PTPRD: variants seen among roughly 807,000 people sequenced by gnomAD.
The protein encoded by PTPRD is receptor-type tyrosine-protein phosphatase delta.
A neutral mutation model predicts 214.5 loss-of-function variants in PTPRD; 34 were observed. The ratio of observed to expected loss-of-function variants is 0.16; its 90% confidence interval spans 0.12 to 0.21. The LOEUF (loss-of-function observed/expected upper bound fraction) is 0.21, where lower values mean the gene tolerates loss of function less well. Among genes scored for constraint, PTPRD ranks in the 10% least tolerant of loss-of-function variants. The pLI is 1.00. For synonymous variants in PTPRD, 1,128 were observed against 845.7 expected, an observed-to-expected ratio of 1.33 and a Z score of -5.79; for missense variants, 2,545 against 2,398.7, an observed-to-expected ratio of 1.06 and a Z score of -1.27.
intron 9 of PTPRD, among the ~76,000 whole-genome samples, chr9:9,282,012 C>G (rs1228813442): frequency 6.6e-6 from 1 of 151,226 alleles, no homozygotes; most frequent in Non-Finnish European, 1.5e-5. Flanking sequence ...ATCTGAAAAG[C>G]TACATCCTGA....
At chr9:9,985,735 TAA>T (rs1466077398) in intron 4 of PTPRD, among the ~76,000 whole-genome samples, 3 of 152,062 alleles carry the variant, frequency 2.0e-5, no homozygotes, top group Admixed American at 2.0e-4. Context: ...GAAAAATTGA[TAA>T]GATATTATCA....
chr9:9,894,668 T>G (rs2074438820), intron 5 of PTPRD, among the ~76,000 whole-genome samples: 1 of 152,090 alleles, frequency 6.6e-6, no homozygotes, highest in South Asian at 2.1e-4. Context: ...TTCATAACAG[T>G]TACCATTTCA....
Position 8,518,533 on chromosome 9 carries a change from A to G in PTPRD, c.962-104T>C, listed in dbSNP as rs2097827491. The stretch of plus-strand genomic sequence containing the variant: ...AAATGACAGGATTATGTATCTACTG[A>G]AGATTTAATTAAATGAAATTATAGC... On this transcript the variant is annotated intron_variant, in intron 20 of 45. Coordinates refer to ENST00000381196, the MANE Select transcript of PTPRD (RefSeq NM_002839.4). The G allele has an allele frequency of 1.4e-5, 11 of 812,216 alleles. No homozygotes were observed. In the South Asian group the frequency reaches 2.4e-4, roughly 18 times the overall value. The allele number at this position is 812,216 out of a possible 1,614,324, so 50.3% of individuals were successfully genotyped here.
intron 3 of PTPRD, among the ~76,000 whole-genome samples, chr9:10,240,847 G>C (rs1295319959): frequency 1.3e-5 from 2 of 151,656 alleles, no homozygotes; most frequent in African/African-American, 4.8e-5. Flanking sequence ...AATTAAATTA[G>C]AATCCATCAA....
At chr9:8,878,159 T>C (rs1328862140) in intron 11 of PTPRD, among the ~76,000 whole-genome samples, 1 of 152,244 alleles carries the variant, frequency 6.6e-6, no homozygotes, top group Non-Finnish European at 1.5e-5. Flanking sequence ...GGAAGTCATT[T>C]GAAGGAACTG....
In PTPRD at chr9:9,161,217, T is replaced by A. The variant is rs1029609960; in HGVS notation, c.-143+22087A>T. Among the ~76,000 whole-genome samples, 4 of 152,210 alleles carry A rather than the reference T, an allele frequency of 2.6e-5. No homozygotes were observed. In the East Asian group the frequency reaches 7.7e-4, roughly 29 times the overall value. On this transcript the variant is annotated intron_variant, in intron 10 of 45. Coordinates refer to ENST00000381196, the MANE Select transcript of PTPRD (RefSeq NM_002839.4). ...ATGTCTCACCACAAAGAATGATAAG[T>A]GGAGGTGATAGGTATGTTAATTAGC... is the stretch of plus-strand genomic sequence containing the variant.
At chr9:10,582,778 A>G (rs1189437279) in intron 2 of PTPRD, among the ~76,000 whole-genome samples, 1 of 152,206 alleles carries the variant, frequency 6.6e-6, no homozygotes, top group Non-Finnish European at 1.5e-5. Flanking sequence ...TACACACACC[A>G]TTGAGATAAA....
intron 14 of PTPRD, among the ~76,000 whole-genome samples, chr9:8,582,781 G>C (rs534627361): frequency 1.3e-5 from 2 of 152,176 alleles, no homozygotes; most frequent in Non-Finnish European, 2.9e-5. Flanking sequence ...AGTTATGCTG[G>C]TAGAAATATA....
At chr9:10,403,205 C>T in intron 2 of PTPRD, among the ~76,000 whole-genome samples, 1 of 72,628 alleles carries the variant, frequency 1.4e-5, no homozygotes, top group Admixed American at 1.5e-4. Flanking sequence ...TTTTGTTTTT[C>T]TGTTATTTGT....
At chr9:8,507,806 C>T (rs1400203581) in intron 21 of PTPRD, among the ~76,000 whole-genome samples, 5 of 152,022 alleles carry the variant, frequency 3.3e-5, no homozygotes, top group Admixed American at 6.6e-5. Context: ...TACAAAATAC[C>T]TAAAAGTATT....
At chr9:9,623,071 T>C (rs909127338) in intron 7 of PTPRD, among the ~76,000 whole-genome samples, 6 of 152,242 alleles carry the variant, frequency 3.9e-5, no homozygotes, top group South Asian at 2.1e-4. Context: ...GAGACATAGC[T>C]AAATCTATAA....
chr9:10,202,225 G>C (rs1036515681), intron 3 of PTPRD, among the ~76,000 whole-genome samples: 1 of 152,042 alleles, frequency 6.6e-6, no homozygotes, highest in African/African-American at 2.4e-5. Flanking sequence ...CTTACATAAA[G>C]AGAGTTTGGG....
intron 26 of PTPRD, 100 bp downstream of exon 26, chr9:8,497,142 C>T: frequency 9.5e-7 from 1 of 1,049,816 alleles, no homozygotes; most frequent in East Asian, 2.7e-5. Context: ...GTTCATGCAT[C>T]CAAGCAAACT....
chr9:9,955,536 T>TG, intron 4 of PTPRD, among the ~76,000 whole-genome samples: 3 of 141,096 alleles, frequency 2.1e-5, no homozygotes, highest in Admixed American at 2.1e-4. Flanking sequence ...GTTTTTTTTT[T>TG]TTTTTGAGAC....
intron 11 of PTPRD, among the ~76,000 whole-genome samples, chr9:8,745,628 G>A (rs2092707828): frequency 6.6e-6 from 1 of 152,130 alleles, no homozygotes; most frequent in African/African-American, 2.4e-5. Context: ...TAGAGTAAAA[G>A]TTTATAGACG....
intron 11 of PTPRD, among the ~76,000 whole-genome samples, chr9:8,814,392 G>A (rs181439942): frequency 3.3e-5 from 5 of 152,234 alleles, no homozygotes; most frequent in Admixed American, 1.3e-4. Context: ...AAACAGAGGA[G>A]GGTGAGAAGG....
intron 22 of PTPRD, 29 bp from the exon 23 acceptor site, chr9:8,504,434 T>C (rs764866065): frequency 7.4e-6 from 12 of 1,612,614 alleles, no homozygotes; most frequent in Middle Eastern, 1.6e-4. Flanking sequence ...TGTGGTCATC[T>C]TCATTAAGGT....
At chr9:9,572,511 A>G (rs1468705957) in intron 8 of PTPRD, among the ~76,000 whole-genome samples, 3 of 149,328 alleles carry the variant, frequency 2.0e-5, no homozygotes, top group Admixed American at 6.7e-5. Context: ...TGATTTATTA[A>G]TTGGTAGTTT....
At chr9:10,194,641 C>T (rs908956021) in intron 3 of PTPRD, among the ~76,000 whole-genome samples, 3 of 147,376 alleles carry the variant, frequency 2.0e-5, no homozygotes, top group South Asian at 2.2e-4. Flanking sequence ...AATTATTTCT[C>T]CTATGTAAAA....
Sources: gnomAD v4.1 joint callset for allele counts (sites outside exome capture counted in the v4.1 genomes callset) on GRCh38, gnomAD v4.1.1 for gene constraint, MANE v1.5 for transcripts, NCBI Gene and HGNC (gene_info 2026-07-23, HGNC 2026-07-21) for gene names.